Variants in AKAP13 observed in about 807,000 individuals in gnomAD.
AKAP13 encodes A-kinase anchoring protein 13, also known as A-kinase anchor protein 13.
A neutral mutation model predicts 264.5 loss-of-function variants in AKAP13; 80 were observed. The observed-to-expected ratio is 0.30, with a 90% CI of 0.25 to 0.36. The LOEUF is 0.36. AKAP13 is among the 10% of genes least tolerant of loss of function. AKAP13 has a pLI of 1.00. For synonymous variants in AKAP13, 1,380 were observed against 1,250.2 expected (o/e 1.10, Z -2.19); for missense variants, 3,712 against 3,435.2 (o/e 1.08, Z -2.01).
At chr15:85,499,215 A>G (rs1378069804) in intron 2 of AKAP13, among the ~76,000 whole-genome samples, 1 of 152,208 alleles carries the variant, frequency 6.6e-6, no homozygotes, top group Non-Finnish European at 1.5e-5. Flanking sequence ...ACTATCAAAT[A>G]CAGGGTTGGG....
At position 85,722,257 on chromosome 15, in the gene AKAP13, A is replaced by C. The variant is rs1333850631; in HGVS notation, c.6406A>C (p.Arg2136=). Reference sequence around the variant, plus strand: ...GAAGATGAGCAGTTCAGTTGTTAGAAGGCTTGGAATTCCAGAGTGCATATT... The same window carrying C: ...GAAGATGAGCAGTTCAGTTGTTAGACGGCTTGGAATTCCAGAGTGCATATT... ...KKKMSSSVVR[R]LGIPECILLV... is the part of the protein sequence containing the mutation. The change falls in exon 25 of 37, where the codon AGG becomes CGG. Residue 2136 remains arginine (R), a synonymous_variant. Coordinates refer to ENST00000394518, the MANE Select transcript of AKAP13 (RefSeq NM_007200.5). 6.2e-7 allele frequency: 1 copy of C among 1,613,596 alleles called. No homozygotes were observed. Among genetic ancestry groups the C allele is most frequent in the African/African-American group, 1.3e-5 (1 of 74,908 alleles).
chr15:85,642,306 T>C (rs769652080), intron 9 of AKAP13, among the ~76,000 whole-genome samples: 2 of 152,216 alleles, frequency 1.3e-5, no homozygotes, highest in Non-Finnish European at 2.9e-5. Flanking sequence ...GGGGTGAAAT[T>C]ACTTCTTGCC....
At chr15:85,434,101 C>T (rs192283024) in intron 1 of AKAP13, among the ~76,000 whole-genome samples, 2 of 151,686 alleles carry the variant, frequency 1.3e-5, no homozygotes, top group Non-Finnish European at 1.5e-5. Flanking sequence ...ACGGCGCAGG[C>T]CAGTGGGTGC....
intron 36 of AKAP13, 123 bp downstream of exon 36, chr15:85,743,948 G>A: frequency 8.6e-7 from 1 of 1,160,300 alleles, no homozygotes; most frequent in Non-Finnish European, 1.2e-6. Flanking sequence ...AAGCCAAACT[G>A]CCATCCTTTT....
intron 1 of AKAP13, among the ~76,000 whole-genome samples, chr15:85,395,434 ATCTT>A (rs2071064861): frequency 6.6e-6 from 1 of 152,152 alleles, no homozygotes; most frequent in African/African-American, 2.4e-5. Context: ...GTTTAAACTT[ATCTT>A]TCTGTTCTGC....
At chr15:85,504,577 A>T (rs1207294241) in intron 2 of AKAP13, among the ~76,000 whole-genome samples, 1 of 146,468 alleles carries the variant, frequency 6.8e-6, no homozygotes, top group Non-Finnish European at 1.5e-5. Flanking sequence ...TTATAGTCCC[A>T]GCTATTTGGG....
At chr15:85,716,002 CTT>C (rs71141478) in intron 20 of AKAP13, 79 bp downstream of exon 20, 1,941 of 1,256,550 alleles carry the variant, frequency 1.5e-3, no homozygotes, top group East Asian at 2.7e-3. Context: ...TGACAAAAAG[CTT>C]TTTTTTTTTT....
intron 10 of AKAP13, among the ~76,000 whole-genome samples, chr15:85,650,763 A>AG (rs2082775083): frequency 1.4e-5 from 1 of 72,832 alleles, no homozygotes; most frequent in East Asian, 6.9e-4. Context: ...CTCAAAAAAA[A>AG]AAAAAAAAAA....
In AKAP13 at chr15:85,715,792, A is replaced by G. The variant is rs769159839; in HGVS notation, c.5604A>G (p.Ser1868=). Residue 1868 remains serine, a synonymous_variant, in exon 20 of 37, where the codon TCA becomes TCG. Coordinates refer to ENST00000394518, the MANE Select transcript of AKAP13 (RefSeq NM_007200.5). ...LPTVIMRNKP[S]QPKERPRSAV... Reference sequence around the variant, plus strand: ...GTTAGTGTCCTCCTTTTGCAGCCTCACAGCCCAAGGAGCGTCCTCGGTCCG... The same window carrying G: ...GTTAGTGTCCTCCTTTTGCAGCCTCGCAGCCCAAGGAGCGTCCTCGGTCCG... The G allele has an allele frequency of 7.5e-6, 12 of 1,608,840 alleles. No homozygotes were observed. Among genetic ancestry groups the G allele is most frequent in the Admixed American group, 3.4e-5 (2 of 58,368 alleles).
intron 16 of AKAP13, among the ~76,000 whole-genome samples, chr15:85,686,961 G>A (rs1014985942): frequency 6.6e-6 from 1 of 152,106 alleles, no homozygotes; most frequent in Non-Finnish European, 1.5e-5. Context: ...CTTCAAACAA[G>A]CTTTTCGTGG....
chr15:85,733,819 TTC>T (rs1015880009), intron 30 of AKAP13, among the ~76,000 whole-genome samples: 3 of 151,798 alleles, frequency 2.0e-5, no homozygotes, highest in African/African-American at 7.2e-5. Flanking sequence ...TGTTTTCTAA[TTC>T]TGACCTAAGT....
At chr15:85,502,731 G>A (rs981825697) in intron 2 of AKAP13, among the ~76,000 whole-genome samples, 10 of 152,044 alleles carry the variant, frequency 6.6e-5, no homozygotes, top group Non-Finnish European at 1.5e-4. Flanking sequence ...GTAACTATTC[G>A]TTAGAAATCA....
At chr15:85,688,520 T>C (rs2085075602) in intron 16 of AKAP13, among the ~76,000 whole-genome samples, 1 of 152,232 alleles carries the variant, frequency 6.6e-6, no homozygotes, top group South Asian at 2.1e-4. Context: ...TGAAAATGTC[T>C]GCTTTCCTTT....
intron 10 of AKAP13, 47 bp from the exon 11 acceptor site, chr15:85,655,370 G>C (rs778024997): frequency 1.3e-6 from 2 of 1,575,900 alleles, no homozygotes; most frequent in Non-Finnish European, 1.7e-6. Context: ...GAGGCTATCT[G>C]ATTGGCCCTG....
chr15:85,563,873 A>G (rs541653922), intron 5 of AKAP13, among the ~76,000 whole-genome samples: 30 of 152,354 alleles, frequency 2.0e-4, no homozygotes, highest in African/African-American at 6.5e-4. Flanking sequence ...TACATTTTTT[A>G]TAGGTCAAGA....
chr15:85,562,330 C>G lies in AKAP13; in HGVS notation c.663-12801C>G, dbSNP rs775816505. 3.0e-4 allele frequency among the ~76,000 whole-genome samples: 45 copies of G among 151,546 alleles called. 1 individual carries two copies. Among genetic ancestry groups the G allele is most frequent in the Admixed American group, 1.3e-4 (2 of 15,230 alleles). ...CTGTAATCCCAGCAGTTTGGGAGGC[C>G]GAGGCGTGCGGATCACCTGAGGTCA... On this transcript the variant is annotated intron_variant, in intron 5 of 36. Transcript: ENST00000394518.
chr15:85,448,293 A>T (rs2073967067), intron 1 of AKAP13, among the ~76,000 whole-genome samples: 1 of 152,140 alleles, frequency 6.6e-6, no homozygotes, highest in Admixed American at 6.5e-5. Context: ...CATAGTTTGC[A>T]AATATTTTCT....
Position 85,741,028 on chromosome 15 carries a change from C to T in AKAP13, c.7609-18C>T, listed in dbSNP as rs778619686. 1 of 1,590,216 alleles carries T rather than the reference C, an allele frequency of 6.3e-7. No homozygotes were observed. The highest frequency in any genetic ancestry group is 1.1e-5 in the South Asian group (1 of 87,088). ...GTCCTGGCCAGAGTTGCAGGGCTCCCCTCTGTGTGCCTCCCAGGGTGTGGT... is the reference window on the plus strand; with the variant it reads ...GTCCTGGCCAGAGTTGCAGGGCTCCTCTCTGTGTGCCTCCCAGGGTGTGGT... On this transcript the variant is annotated intron_variant, in intron 34 of 36. Coordinates refer to ENST00000394518, the MANE Select transcript of AKAP13 (RefSeq NM_007200.5).
intron 2 of AKAP13, among the ~76,000 whole-genome samples, chr15:85,496,195 T>C (rs569321901): frequency 6.6e-5 from 10 of 152,226 alleles, no homozygotes; most frequent in Non-Finnish European, 1.2e-4. Flanking sequence ...CCCCACCTCC[T>C]TTTTTCCCTC....
Sources: allele counts gnomAD v4.1 joint callset (sites outside exome capture counted in the v4.1 genomes callset), GRCh38; gene constraint gnomAD v4.1.1; transcripts MANE v1.5; gene names NCBI Gene and HGNC (gene_info 2026-07-23, HGNC 2026-07-21).